PABPC3: variants seen among roughly 807,000 people sequenced by gnomAD.
The protein encoded by PABPC3 is polyadenylate-binding protein 3.
PABPC3 carries 43 observed loss-of-function variants against 43.0 expected under a neutral mutation model. The observed-to-expected ratio is 1.00, with a 90% CI of 0.78 to 1.29. PABPC3 has a LOEUF of 1.29. PABPC3 is among the 50% of genes most tolerant of loss of function. PABPC3 has a pLI of 0.00. For synonymous variants in PABPC3, 221 were observed against 274.6 expected (o/e 0.80, Z 1.93); for missense variants, 784 against 798.1 (o/e 0.98, Z 0.21).
rs2137382362 is a variant in PABPC3, at chr13:25,096,176, G to C, written c.-23G>C. ...GTAACGGAAAGGTCGCGGCTTGTGT[G>C]CCTGCGGGCAGCCGTGCCGAGAATG... On this transcript the variant is annotated 5_prime_UTR_variant, in exon 1 of 1. Transcript: ENST00000281589. 1 of 1,597,786 alleles carries C rather than the reference G, an allele frequency of 6.3e-7. No homozygotes were observed. The highest frequency in any genetic ancestry group is 8.5e-7 in the Non-Finnish European group (1 of 1,170,774).
In PABPC3 at chr13:25,096,963, G is replaced by A; in HGVS notation, c.765G>A (p.Glu255=). The A allele has an allele frequency of 1.9e-6, 3 of 1,614,246 alleles. No homozygotes were observed. Among genetic ancestry groups the A allele is most frequent in the South Asian group, 1.1e-5 (1 of 91,088 alleles). Residue 255 remains glutamate, a synonymous_variant, in exon 1 of 1, where the codon GAG becomes GAA. Transcript: ENST00000281589. ...QKAVDEMNGK[E]LNGKQIYVGR... is the part of the protein sequence containing the mutation. ...CTGTAGATGAGATGAATGGAAAGGA[G>A]CTCAATGGAAAACAAATTTACGTTG...
rs1956059268 is a variant in PABPC3, at chr13:25,098,220, G to A, written c.*126G>A. On this transcript the variant is annotated 3_prime_UTR_variant, in exon 1 of 1. Coordinates refer to ENST00000281589, the MANE Select transcript of PABPC3 (RefSeq NM_030979.3). ...AAATGCAAAATCTAAAATAAAAAAT[G>A]GAAAGGAAACTTTGAACCTTATGTA... 1.2e-6 allele frequency: 1 copy of A among 861,932 alleles called. No individual in the cohort carries two copies. Among genetic ancestry groups the A allele is most frequent in the Admixed American group, 2.6e-5 (1 of 37,822 alleles). 53.4% of individuals were successfully genotyped at this position (861,932 alleles called of 1,614,324 possible).
Position 25,097,059 on chromosome 13 carries a change from G to C in PABPC3, c.861G>C (p.Arg287Ser), listed in dbSNP as rs139504722. The change falls in exon 1 of 1, where the codon AGG becomes AGC. Residue 287 changes from arginine (R) to serine (S), a missense_variant. Arg to Ser is a moderately radical substitution (Grantham distance 110, BLOSUM62 -1). Coordinates refer to ENST00000281589, the MANE Select transcript of PABPC3 (RefSeq NM_030979.3). ...KRTFEQMKQD[R>S]ITRYQVVNLY... ...CATTTGAACAGATGAAGCAAGATAG[G>C]ATCACCAGATACCAGGTTGTTAATC... 73 of 1,614,142 alleles carry C rather than the reference G, an allele frequency of 4.5e-5. No individual in the cohort carries two copies. Among genetic ancestry groups the C allele is most frequent in the Non-Finnish European group, 6.0e-5 (71 of 1,180,048 alleles).
chr13:25,097,319 G>T lies in PABPC3; in HGVS notation c.1121G>T (p.Arg374Leu), dbSNP rs760196305. The change falls in exon 1 of 1, where the codon CGC becomes CTC. Residue 374 changes from arginine (R) to leucine (L), a missense_variant. Coordinates refer to ENST00000281589, the MANE Select transcript of PABPC3 (RefSeq NM_030979.3). ...YVALAQRKEERQAYLTNEYMQ... is the reference protein window; with the variant it reads ...YVALAQRKEELQAYLTNEYMQ... Reference sequence around the variant, plus strand: ...GCTTTAGCTCAGCGCAAAGAAGAGCGCCAGGCTTACCTCACTAACGAGTAT... The same window carrying T: ...GCTTTAGCTCAGCGCAAAGAAGAGCTCCAGGCTTACCTCACTAACGAGTAT... The T allele has an allele frequency of 6.2e-7, 1 of 1,614,250 alleles. No homozygotes were observed. The highest frequency in any genetic ancestry group is 8.5e-7 in the Non-Finnish European group (1 of 1,180,040).
Position 25,098,135 on chromosome 13 carries a change from A to T in PABPC3, c.*41A>T. On this transcript the variant is annotated 3_prime_UTR_variant, in exon 1 of 1. Coordinates refer to ENST00000281589, the MANE Select transcript of PABPC3 (RefSeq NM_030979.3). ...ACGAAAAGAAATTTGTGCTTCACCG[A>T]AGAAAAATATCTAAACATCGAGAAA... The T allele has an allele frequency of 6.5e-7, 1 of 1,535,638 alleles. No individual in the cohort carries two copies. Among genetic ancestry groups the T allele is most frequent in the South Asian group, 1.2e-5 (1 of 84,904 alleles).
chr13:25,098,312 A>G lies in PABPC3; in HGVS notation c.*218A>G, dbSNP rs376474222. 8.8e-6 allele frequency: 4 copies of G among 454,154 alleles called. No homozygotes were observed. The highest frequency in any genetic ancestry group is 8.2e-5 in the African/African-American group (4 of 48,800). The allele number at this position is 454,154 out of a possible 1,614,324, so 28.1% of individuals were successfully genotyped here. A position where few individuals can be genotyped will look rare whatever the true frequency, so the allele number is the denominator to read the frequency against. On this transcript the variant is annotated 3_prime_UTR_variant, in exon 1 of 1. Coordinates refer to ENST00000281589, the MANE Select transcript of PABPC3 (RefSeq NM_030979.3). ...GATTACTTATTGATTTAAAAACAAA[A>G]AAAAGATTACTTAATTTTGATTTAA...
Position 25,097,764 on chromosome 13 carries a change from G to A in PABPC3, c.1566G>A (p.Gln522=). 1 of 1,614,170 alleles carries A rather than the reference G, an allele frequency of 6.2e-7. No homozygotes were observed. The highest frequency in any genetic ancestry group is 8.5e-7 in the Non-Finnish European group (1 of 1,180,042). The change falls in exon 1 of 1, where the codon CAG becomes CAA. Residue 522 remains glutamine (Q), a synonymous_variant. Transcript: ENST00000281589. ...ATCCTCAGCAACATCGTAATGCACA[G>A]CCACAAGTTACAATGCAACAGCTTG... ...VRNPQQHRNA[Q]PQVTMQQLAV...
Position 25,096,608 on chromosome 13 carries a change from C to T in PABPC3, c.410C>T (p.Ser137Phe), listed in dbSNP as rs1175614172. The T allele has an allele frequency of 6.2e-7, 1 of 1,614,206 alleles. No homozygotes were observed. The highest frequency in any genetic ancestry group is 1.1e-5 in the South Asian group (1 of 91,084). ...AACGTGGTTTGTGATGAAAATGGTT[C>T]CAAGGGTTATGGATTTGTACACTTT... ...SCNVVCDENG[S>F]KGYGFVHFET... Residue 137 changes from serine to phenylalanine, a missense_variant, in exon 1 of 1, where the codon TCC (serine) becomes TTC (phenylalanine). Physicochemically the swap from Ser to Phe is radical, Grantham distance 155. Transcript: ENST00000281589.
Position 25,098,373 on chromosome 13 carries a change from G to C in PABPC3, c.*279G>C. 1 of 332,952 alleles carries C rather than the reference G, an allele frequency of 3.0e-6. No homozygotes were observed. Among genetic ancestry groups the C allele is most frequent in the Non-Finnish European group, 5.7e-6 (1 of 174,494 alleles). The allele number at this position is 332,952 out of a possible 1,614,324, so 20.6% of individuals were successfully genotyped here. A position where few individuals can be genotyped will look rare whatever the true frequency, so the allele number is the denominator to read the frequency against. On this transcript the variant is annotated 3_prime_UTR_variant, in exon 1 of 1. Transcript: ENST00000281589. ...TCGTAAAATACAAAAACCAGTTAAT[G>C]TTTTGTAGACCCTGGGAAAAGAATT...
chr13:25,098,231 T>A lies in PABPC3; in HGVS notation c.*137T>A. ...CTAAAATAAAAAATGGAAAGGAAAC[T>A]TTGAACCTTATGTACCGAGCAAATG... On this transcript the variant is annotated 3_prime_UTR_variant, in exon 1 of 1. Coordinates refer to ENST00000281589, the MANE Select transcript of PABPC3 (RefSeq NM_030979.3). 9.2e-6 allele frequency: 7 copies of A among 760,562 alleles called. No individual in the cohort carries two copies. Among genetic ancestry groups the A allele is most frequent in the Non-Finnish European group, 1.3e-5 (6 of 461,946 alleles). 47.1% of individuals were successfully genotyped at this position (760,562 alleles called of 1,614,324 possible).
rs745417558 is a variant in PABPC3, at chr13:25,096,384, G to A, written c.186G>A (p.Thr62=). 7.4e-6 allele frequency: 12 copies of A among 1,614,080 alleles called. No individual in the cohort carries two copies. The highest frequency in any genetic ancestry group is 5.3e-5 in the African/African-American group (4 of 74,944). The change falls in exon 1 of 1, where the codon ACG becomes ACA. Residue 62 remains threonine, a synonymous_variant. Transcript: ENST00000281589. ...SNYAYVNFQH[T]KDAEHALDTM... ...ACGCGTATGTGAACTTCCAGCATACGAAGGACGCGGAGCATGCTCTGGACA... is the reference window on the plus strand; with the variant it reads ...ACGCGTATGTGAACTTCCAGCATACAAAGGACGCGGAGCATGCTCTGGACA...
rs554723791 is a variant in PABPC3, at chr13:25,097,124, G to A, written c.926G>A (p.Arg309His). The change falls in exon 1 of 1, where the codon CGT becomes CAT. Residue 309 changes from arginine (R) to histidine (H), a missense_variant. Coordinates refer to ENST00000281589, the MANE Select transcript of PABPC3 (RefSeq NM_030979.3). Reference protein sequence around the residue: ...KNLDDGIDDERLRKAFSPFGT... With the variant: ...KNLDDGIDDEHLRKAFSPFGT... The stretch of plus-strand genomic sequence containing the variant: ...CTTGATGATGGTATTGATGATGAAC[G>A]TCTCCGGAAAGCGTTTTCTCCATTT... 22 of 1,614,272 alleles carry A rather than the reference G, an allele frequency of 1.4e-5. No homozygotes were observed. The highest frequency in any genetic ancestry group is 4.5e-5 in the East Asian group (2 of 44,896).
In PABPC3 at chr13:25,096,218, G is replaced by T; in HGVS notation, c.20G>T (p.Ser7Ile). The change falls in exon 1 of 1, where the codon AGC (serine) becomes ATC (isoleucine). Residue 7 changes from serine (S) to isoleucine (I), a missense_variant. By Grantham distance (142) the Ser-to-Ile change is moderately radical. Coordinates refer to ENST00000281589, the MANE Select transcript of PABPC3 (RefSeq NM_030979.3). MNPSTP[S>I]YPTASLYVGD... ...CCGAGAATGAACCCCAGCACCCCCA[G>T]CTACCCAACGGCCTCGCTCTACGTG... 1 of 1,613,344 alleles carries T rather than the reference G, an allele frequency of 6.2e-7. No individual in the cohort carries two copies. Among genetic ancestry groups the T allele is most frequent in the Non-Finnish European group, 8.5e-7 (1 of 1,179,408 alleles).
chr13:25,097,954 T>C lies in PABPC3; in HGVS notation c.1756T>C (p.Ser586Pro), dbSNP rs1470397514. ...ITGMLLEIDN[S>P]ELLYMLESPE... ...TGGCATGTTGTTGGAGATTGATAAT[T>C]CAGAACTTCTTTATATGCTCGAGTC... Residue 586 changes from serine (S) to proline (P), a missense_variant, in exon 1 of 1, where the codon TCA (serine) becomes CCA (proline). By Grantham distance (74) the Ser-to-Pro change is moderately conservative. Coordinates refer to ENST00000281589, the MANE Select transcript of PABPC3 (RefSeq NM_030979.3). 1 of 1,613,898 alleles carries C rather than the reference T, an allele frequency of 6.2e-7. No homozygotes were observed. Among genetic ancestry groups the C allele is most frequent in the South Asian group, 1.1e-5 (1 of 91,084 alleles).
chr13:25,097,829 G>C lies in PABPC3; in HGVS notation c.1631G>C (p.Arg544Thr). The part of the protein sequence containing the change: ...VQGQETLTAS[R>T]LASAPPQKQK... ...GGTCAGGAAACTTTGACTGCCTCCAGGTTGGCATCTGCCCCTCCTCAAAAG... is the reference window on the plus strand; with the variant it reads ...GGTCAGGAAACTTTGACTGCCTCCACGTTGGCATCTGCCCCTCCTCAAAAG... Residue 544 changes from arginine to threonine, a missense_variant, in exon 1 of 1, where the codon AGG becomes ACG. Coordinates refer to ENST00000281589, the MANE Select transcript of PABPC3 (RefSeq NM_030979.3). 1 of 1,609,432 alleles carries C rather than the reference G, an allele frequency of 6.2e-7. No homozygotes were observed. Among genetic ancestry groups the C allele is most frequent in the Non-Finnish European group, 8.5e-7 (1 of 1,178,690 alleles).
chr13:25,098,136 A>T lies in PABPC3; in HGVS notation c.*42A>T. The T allele has an allele frequency of 6.5e-7, 1 of 1,531,368 alleles. No individual in the cohort carries two copies. Among genetic ancestry groups the T allele is most frequent in the Non-Finnish European group, 9.0e-7 (1 of 1,114,718 alleles). The allele number at this position is 1,531,368 out of a possible 1,614,324, so 94.9% of individuals were successfully genotyped here. The stretch of plus-strand genomic sequence containing the variant: ...CGAAAAGAAATTTGTGCTTCACCGA[A>T]GAAAAATATCTAAACATCGAGAAAC... On this transcript the variant is annotated 3_prime_UTR_variant, in exon 1 of 1. Transcript: ENST00000281589.
rs1427805529 is a variant in PABPC3, at chr13:25,098,756, TTTG to T, written c.*665_*667del. On this transcript the variant is annotated 3_prime_UTR_variant, in exon 1 of 1. Transcript: ENST00000281589. ...AATAGTAATTATAAATTCAGTAACATTTGTTCAAAATTGTAAGACAATTATTAA... is the reference window on the plus strand; with the variant it reads ...AATAGTAATTATAAATTCAGTAACATTTCAAAATTGTAAGACAATTATTAA... The T allele has an allele frequency of 1.2e-5, 2 of 166,482 alleles. No homozygotes were observed. The highest frequency in any genetic ancestry group is 4.8e-5 in the African/African-American group (2 of 41,368). 10.3% of individuals were successfully genotyped at this position (166,482 alleles called of 1,614,324 possible).
In PABPC3 at chr13:25,097,895, A is replaced by C; in HGVS notation, c.1697A>C (p.Gln566Pro). Reference protein sequence around the residue: ...MLGERLFPLIQAMHPTLAGKI... With the variant: ...MLGERLFPLIPAMHPTLAGKI... ...GGTGAACGGCTCTTTCCTCTTATTC[A>C]AGCCATGCACCCTACTCTTGCTGGG... The change falls in exon 1 of 1, where the codon CAA becomes CCA. Residue 566 changes from glutamine to proline, a missense_variant. Coordinates refer to ENST00000281589, the MANE Select transcript of PABPC3 (RefSeq NM_030979.3). 1 of 1,613,954 alleles carries C rather than the reference A, an allele frequency of 6.2e-7. No individual in the cohort carries two copies. The highest frequency in any genetic ancestry group is 1.1e-5 in the South Asian group (1 of 91,082).
rs143942354 is a variant in PABPC3, at chr13:25,096,391, G to T, written c.193G>T (p.Ala65Ser). 6 of 1,614,226 alleles carry T rather than the reference G, an allele frequency of 3.7e-6. No homozygotes were observed. The highest frequency in any genetic ancestry group is 1.6e-4 in the Middle Eastern group (1 of 6,062). Residue 65 changes from alanine to serine, a missense_variant, in exon 1 of 1, where the codon GCG becomes TCG. Physicochemically the swap from Ala to Ser is moderately conservative, Grantham distance 99. Transcript: ENST00000281589. ...TGTGAACTTCCAGCATACGAAGGAC[G>T]CGGAGCATGCTCTGGACACCATGAA... ...AYVNFQHTKD[A>S]EHALDTMNFD...
Sources: allele counts gnomAD v4.1 joint callset, GRCh38; gene constraint gnomAD v4.1.1; transcripts MANE v1.5; gene names NCBI Gene and HGNC (gene_info 2026-07-23, HGNC 2026-07-21).